CACNA1C: variants seen among roughly 807,000 people sequenced by gnomAD.
The protein encoded by CACNA1C is calcium voltage-gated channel subunit alpha1 C.
In CACNA1C, 30 loss-of-function variants were observed where a neutral mutation model predicts 229.0. The observed-to-expected ratio is 0.13, with a 90% confidence interval of 0.10 to 0.18. CACNA1C has a LOEUF of 0.18. Ranked by LOEUF, CACNA1C falls within the 10% of genes least tolerant of loss-of-function variation. The pLI, the probability that CACNA1C is intolerant of heterozygous loss-of-function variation, is 1.00. For missense variants in CACNA1C, 1,658 were observed against 2,845.0 expected, an observed-to-expected ratio of 0.58 and a Z score of 9.49; for synonymous variants, 1,114 against 1,132.5, an observed-to-expected ratio of 0.98 and a Z score of 0.33.
chr12:2,584,822 C>T (rs1687870974), intron 16 of CACNA1C, among the ~76,000 whole-genome samples: 1 of 152,180 alleles, frequency 6.6e-6, no homozygotes, highest in African/African-American at 2.4e-5. Context: ...TTATAATAAT[C>T]TCTGCAATGG....
chr12:2,439,747 C>T (rs1387205508), intron 3 of CACNA1C, among the ~76,000 whole-genome samples: 2 of 151,546 alleles, frequency 1.3e-5, no homozygotes, highest in African/African-American at 4.9e-5. Context: ...ACTGTAAAAG[C>T]AATGAAACTA....
chr12:2,318,466 C>G (rs1230542960), intron 3 of CACNA1C, among the ~76,000 whole-genome samples: 1 of 152,256 alleles, frequency 6.6e-6, no homozygotes, highest in Non-Finnish European at 1.5e-5. Flanking sequence ...GGCCTCCATC[C>G]GTTGGACCTG....
rs2099786365 is a variant in CACNA1C at position 2,512,327 on chromosome 12, G to C, written c.1218-485G>C. On this transcript the variant is annotated intron_variant, in intron 8 of 46. Transcript: ENST00000399655. The surrounding 1 kb of genome is among the most constrained non-coding windows in gnomAD (Gnocchi z 4.3). ...GGCTCTCAGGACCTGGGGCGAGTGA[G>C]TGGGCTTTGGTACACTGCCGGTCCT... Among the ~76,000 whole-genome samples the C allele has an allele frequency of 1.3e-5, 2 of 152,130 alleles. No individual in the cohort carries two copies. Among genetic ancestry groups the C allele is most frequent in the Non-Finnish European group, 1.5e-5 (1 of 68,028 alleles).
In CACNA1C at chr12:2,209,306, A is replaced by G. The variant is rs1277711238; in HGVS notation, c.477+88876A>G. Among the ~76,000 whole-genome samples the G allele has an allele frequency of 2.0e-5, 3 of 152,272 alleles. No homozygotes were observed. In the East Asian group the frequency reaches 5.8e-4, roughly 29 times the overall value. ...ATGGTCTGAAAGAAAACCAAGTAAA[A>G]CAAACACCAACAATCCTTATGAACA... On this transcript the variant is annotated intron_variant, in intron 3 of 46. Coordinates refer to ENST00000399655, the MANE Select transcript of CACNA1C (RefSeq NM_000719.7).
At chr12:1,976,095 T>C (rs548973904) in intron 1 of CACNA1C, among the ~76,000 whole-genome samples, 2 of 152,026 alleles carry the variant, frequency 1.3e-5, no homozygotes, top group South Asian at 4.2e-4. Flanking sequence ...TTTCTTTAGA[T>C]GGATAGTTTT....
rs905267426 is a variant in CACNA1C, at chr12:2,692,914, A to T, written c.*1715A>T. 1.3e-5 allele frequency: 2 copies of T among 152,620 alleles called. No individual in the cohort carries two copies. The highest frequency in any genetic ancestry group is 2.9e-5 in the Non-Finnish European group (2 of 68,038). 9.5% of individuals were successfully genotyped at this position (152,620 alleles called of 1,614,324 possible). On this transcript the variant is annotated 3_prime_UTR_variant, in exon 47 of 47. Transcript: ENST00000399655. ...TATTTTGCTGCATGTAAAGTAAATC[A>T]TTTTGTATTTGGAGTGTGACAAGCT...
intron 3 of CACNA1C, among the ~76,000 whole-genome samples, chr12:2,159,986 T>G (rs548274099): frequency 1.3e-5 from 2 of 152,248 alleles, no homozygotes; most frequent in African/African-American, 4.8e-5. Flanking sequence ...GTATCTGTTA[T>G]GTGCTGGGCA....
chr12:2,390,077 C>T (rs1157352362), intron 3 of CACNA1C, among the ~76,000 whole-genome samples: 1 of 152,154 alleles, frequency 6.6e-6, no homozygotes, highest in Non-Finnish European at 1.5e-5. Flanking sequence ...GGTTATTTGA[C>T]CCATTCCCTT....
intron 20 of CACNA1C, chr12:2,596,296 T>G (rs1221499108): frequency 3.5e-6 from 1 of 285,584 alleles, no homozygotes; most frequent in African/African-American, 2.2e-5. Context: ...GCAAACTTAG[T>G]AAAATGTGGC....
chr12:2,440,581 ACCCCTCCAGCCATACCT>A (rs2099213010), intron 3 of CACNA1C, among the ~76,000 whole-genome samples: 1 of 151,720 alleles, frequency 6.6e-6, no homozygotes, highest in African/African-American at 2.4e-5. Context: ...CCTGCTGCCC[ACCCCTCCAGCCATACCT>A]GGCAAGCAGG....
intron 7 of CACNA1C, among the ~76,000 whole-genome samples, chr12:2,497,224 T>C (rs1374396100): frequency 6.6e-6 from 1 of 152,200 alleles, no homozygotes; most frequent in Non-Finnish European, 1.5e-5. Flanking sequence ...TTCCAGTTGG[T>C]TTGAAACTCT....
At chr12:2,230,634 G>A (rs766387545) in intron 3 of CACNA1C, among the ~76,000 whole-genome samples, 6 of 152,216 alleles carry the variant, frequency 3.9e-5, no homozygotes, top group Non-Finnish European at 5.9e-5. Context: ...GATCACTAAC[G>A]GTGGGAGGCC....
intron 3 of CACNA1C, among the ~76,000 whole-genome samples, chr12:2,378,620 C>T (rs1287164817): frequency 6.6e-6 from 1 of 152,210 alleles, no homozygotes; most frequent in Non-Finnish European, 1.5e-5. Flanking sequence ...AGATGGTCTA[C>T]TTTGTATTGT....
At chr12:2,586,896 C>T (rs1228436166) in intron 18 of CACNA1C, among the ~76,000 whole-genome samples, 5 of 152,126 alleles carry the variant, frequency 3.3e-5, no homozygotes, top group South Asian at 2.1e-4. Flanking sequence ...TTCATATGCC[C>T]GGCATTAAGG....
At chr12:2,492,055 T>G (rs2099736440) in intron 6 of CACNA1C, among the ~76,000 whole-genome samples, 1 of 152,130 alleles carries the variant, frequency 6.6e-6, no homozygotes, top group East Asian at 1.9e-4. Context: ...CTGGGGTCTC[T>G]TCTGTCTGTT....
At chr12:2,284,999 C>T (rs957564172) in intron 3 of CACNA1C, among the ~76,000 whole-genome samples, 3 of 152,180 alleles carry the variant, frequency 2.0e-5, no homozygotes, top group African/African-American at 4.8e-5. Flanking sequence ...CTTCAGTGAG[C>T]GGGGCCTGGG....
At position 2,689,338 on chromosome 12, in the gene CACNA1C, T is replaced by C. The variant is rs940347104; in HGVS notation, c.6117+559T>C. 6.6e-6 allele frequency among the ~76,000 whole-genome samples: 1 copy of C among 152,076 alleles called. No individual in the cohort carries two copies. Among genetic ancestry groups the C allele is most frequent in the Non-Finnish European group, 1.5e-5 (1 of 68,020 alleles). On this transcript the variant is annotated intron_variant, in intron 46 of 46. Transcript: ENST00000399655. This position sits in a 1 kb window ranked among gnomAD's most constrained non-coding sequence, Gnocchi z 4.2. ...ACACTGGAACAAACCCAACAGAGGATGACCAGGATGGCAAGGTTCCTAGAA... is the reference window on the plus strand; with the variant it reads ...ACACTGGAACAAACCCAACAGAGGACGACCAGGATGGCAAGGTTCCTAGAA...
intron 9 of CACNA1C, among the ~76,000 whole-genome samples, chr12:2,521,866 C>T (rs1481628156): frequency 6.6e-6 from 1 of 152,202 alleles, no homozygotes; most frequent in Non-Finnish European, 1.5e-5. Flanking sequence ...GTGTCACTCC[C>T]TTGTTCAAAA....
chr12:2,059,131 C>A (rs114908016), intron 1 of CACNA1C, among the ~76,000 whole-genome samples: 1 of 152,128 alleles, frequency 6.6e-6, no homozygotes, highest in Non-Finnish European at 1.5e-5. Flanking sequence ...CTGTGTGTAC[C>A]GTGTGGGCAG....
Sources: gnomAD v4.1 joint callset for allele counts (sites outside exome capture counted in the v4.1 genomes callset) on GRCh38, gnomAD v4.1.1 for gene constraint, Gnocchi (gnomAD v3.1) non-coding constraint, MANE v1.5 for transcripts, NCBI Gene and HGNC (gene_info 2026-07-23, HGNC 2026-07-21) for gene names.